Variants in CTCF observed in about 807,000 individuals in gnomAD.
CTCF encodes CCCTC-binding factor, also known as transcriptional repressor CTCF.
A neutral mutation model predicts 72.3 loss-of-function variants in CTCF; 7 were observed. The observed-to-expected ratio is 0.10, with a 90% CI of 0.06 to 0.18. The LOEUF (loss-of-function observed/expected upper bound fraction) is 0.18. Ranked by LOEUF, CTCF falls within the 10% of genes least tolerant of loss-of-function variation. The pLI is 1.00. For synonymous variants in CTCF, 374 were observed against 315.8 expected, an observed-to-expected ratio of 1.18 and a Z score of -1.95; for missense variants, 516 against 949.1, an observed-to-expected ratio of 0.54 and a Z score of 6.00.
intron 7 of CTCF, among the ~76,000 whole-genome samples, chr16:67,622,814 T>G (rs2142852771): frequency 6.8e-6 from 1 of 147,854 alleles, no homozygotes; most frequent in African/African-American, 2.5e-5. Context: ...CGGCTAAATT[T>G]TTTTTTTTTT....
chr16:67,587,707 T>TGAGC (rs1286684165), intron 2 of CTCF, among the ~76,000 whole-genome samples: 2 of 152,036 alleles, frequency 1.3e-5, no homozygotes, highest in Non-Finnish European at 2.9e-5. Flanking sequence ...GAGGATAGCT[T>TGAGC]GAGCCCAGGA....
At chr16:67,587,100 A>ATT (rs754060008) in intron 2 of CTCF, among the ~76,000 whole-genome samples, 3,198 of 98,492 alleles carry the variant, frequency 0.032, 62 homozygotes, top group African/African-American at 0.054. Flanking sequence ...CTTCTTAAAC[A>ATT]TTTTTTTTTT....
intron 7 of CTCF, among the ~76,000 whole-genome samples, chr16:67,626,141 A>C (rs2052283928): frequency 6.6e-6 from 1 of 151,960 alleles, no homozygotes; most frequent in Non-Finnish European, 1.5e-5. Context: ...AGTAATACTT[A>C]AGAATCAGGA....
intron 2 of CTCF, among the ~76,000 whole-genome samples, chr16:67,584,229 G>A (rs926724660): frequency 2.6e-5 from 4 of 151,776 alleles, no homozygotes; most frequent in Non-Finnish European, 5.9e-5. Context: ...GACTGAAGCA[G>A]GAGAGTTGCT....
intron 2 of CTCF, among the ~76,000 whole-genome samples, chr16:67,605,148 A>AT (rs1321002013): frequency 6.6e-6 from 1 of 150,728 alleles, no homozygotes; most frequent in Admixed American, 6.6e-5. Context: ...AATTTTTTGT[A>AT]TTTTTTAGTA....
intron 1 of CTCF, among the ~76,000 whole-genome samples, chr16:67,564,981 T>C (rs2051323042): frequency 1.3e-5 from 2 of 152,150 alleles, no homozygotes; most frequent in African/African-American, 4.8e-5. Flanking sequence ...TGAGGATGAA[T>C]TGATATGTTA....
chr16:67,597,722 T>C (rs1279701328), intron 2 of CTCF, among the ~76,000 whole-genome samples: 1 of 152,206 alleles, frequency 6.6e-6, no homozygotes, highest in Non-Finnish European at 1.5e-5. Flanking sequence ...TAGTTAACTG[T>C]TTTTCTGGTA....
intron 8 of CTCF, among the ~76,000 whole-genome samples, chr16:67,628,082 G>A (rs535014105): frequency 1.1e-4 from 16 of 152,026 alleles, no homozygotes; most frequent in Admixed American, 7.2e-4. Flanking sequence ...GCGATAGAGC[G>A]AGACTCCGTC....
chr16:67,603,616 AGAT>A (rs2051928165), intron 2 of CTCF, among the ~76,000 whole-genome samples: 1 of 151,362 alleles, frequency 6.6e-6, no homozygotes, highest in East Asian at 2.0e-4. Context: ...GGAGGTCAGG[AGAT>A]AAGAGACCAT....
At chr16:67,570,035 A>C (rs1416544375) in intron 1 of CTCF, among the ~76,000 whole-genome samples, 1 of 152,014 alleles carries the variant, frequency 6.6e-6, no homozygotes, top group Non-Finnish European at 1.5e-5. Context: ...AAGATACGGA[A>C]ATAAACTGTT....
At position 67,616,816 on chromosome 16, in the gene CTCF, C is replaced by T. The variant is rs1131691283; in HGVS notation, c.1024C>T (p.Arg342Cys). The stretch of plus-strand genomic sequence containing the variant: ...CAGTGGAGAATTGGTTCGGCATCGT[C>T]GTTACAAACACACCCACGAGAAGCC... The part of the protein sequence containing the change: ...VTSGELVRHR[R>C]YKHTHEKPFK... The change falls in exon 5 of 12, where the codon CGT becomes TGT. Residue 342 changes from arginine to cysteine, a missense_variant. Coordinates refer to ENST00000264010, the MANE Select transcript of CTCF (RefSeq NM_006565.4). The T allele has an allele frequency of 6.2e-7, 1 of 1,614,136 alleles. No homozygotes were observed. The highest frequency in any genetic ancestry group is 8.5e-7 in the Non-Finnish European group (1 of 1,180,010).
rs141451603 is a variant in CTCF at position 67,598,259 on chromosome 16, G to A, written c.-9-12565G>A. On this transcript the variant is annotated intron_variant, in intron 2 of 11. Transcript: ENST00000264010. ...TCCCAAAGTCCTAGCAGTCAGGTGT[G>A]AGTCACTGCACCTGGCCAGTGGAAG... Among the ~76,000 whole-genome samples, 592 of 152,256 alleles carry A rather than the reference G, an allele frequency of 3.9e-3. 17 individuals carry two copies. Among genetic ancestry groups the A allele is most frequent in the Admixed American group, 0.035 (531 of 15,278 alleles).
chr16:67,588,009 C>G (rs759878339), intron 2 of CTCF, among the ~76,000 whole-genome samples: 20 of 152,042 alleles, frequency 1.3e-4, no homozygotes, highest in Non-Finnish European at 1.8e-4. Flanking sequence ...AGGCGCCCAC[C>G]ACCACGCCTG....
intron 1 of CTCF, among the ~76,000 whole-genome samples, chr16:67,564,637 CTT>C (rs1306965702): frequency 7.9e-5 from 12 of 152,206 alleles, no homozygotes; most frequent in Admixed American, 7.2e-4. Context: ...TCTTTTGTGA[CTT>C]TGTTTTCCTT....
intron 2 of CTCF, among the ~76,000 whole-genome samples, chr16:67,589,760 G>T (rs74708087): frequency 0.019 from 2,859 of 152,064 alleles, 35 homozygotes; most frequent in Non-Finnish European, 0.03. Context: ...CCCAAATGAC[G>T]CTTCAACACC....
At chr16:67,631,108 T>G (rs1298500462) in intron 10 of CTCF, among the ~76,000 whole-genome samples, 1 of 151,954 alleles carries the variant, frequency 6.6e-6, no homozygotes, top group African/African-American at 2.4e-5. Flanking sequence ...AAGGAACATA[T>G]TGGAGAACTT....
At chr16:67,633,185 TA>T (rs1256151818) in intron 10 of CTCF, among the ~76,000 whole-genome samples, 2 of 152,238 alleles carry the variant, frequency 1.3e-5, no homozygotes, top group African/African-American at 4.8e-5. Flanking sequence ...TTGCTATAAG[TA>T]AAAGCTGTGT....
intron 2 of CTCF, among the ~76,000 whole-genome samples, chr16:67,581,017 C>T (rs999247167): frequency 6.6e-6 from 1 of 152,070 alleles, no homozygotes; most frequent in Non-Finnish European, 1.5e-5. Flanking sequence ...CAAGCTCCAC[C>T]TCCCGGGTTC....
chr16:67,629,612 C>T, intron 10 of CTCF, 79 bp downstream of exon 10: 1 of 1,482,490 alleles, frequency 6.7e-7, no homozygotes, highest in Non-Finnish European at 9.2e-7. Flanking sequence ...TATGGATATG[C>T]TGGGATATAG....
Sources: gnomAD v4.1 joint callset for allele counts (sites outside exome capture counted in the v4.1 genomes callset) on GRCh38, gnomAD v4.1.1 for gene constraint, MANE v1.5 for transcripts, NCBI Gene and HGNC (gene_info 2026-07-23, HGNC 2026-07-21) for gene names.